Variants in DCC observed in about 807,000 individuals in gnomAD.
The protein encoded by DCC is DCC netrin 1 receptor, also known as netrin receptor DCC.
A neutral mutation model predicts 172.5 loss-of-function variants in DCC; 58 were observed. The observed-to-expected ratio is 0.34, with a 90% CI of 0.27 to 0.42. DCC has a LOEUF of 0.42. Among genes scored for constraint, DCC ranks in the 10% least tolerant of loss-of-function variants. The pLI is 1.00. For synonymous variants in DCC, 709 were observed against 644.5 expected, an observed-to-expected ratio of 1.10 and a Z score of -1.52; for missense variants, 1,740 against 1,791.0, an observed-to-expected ratio of 0.97 and a Z score of 0.51.
At chr18:52,634,581 T>C (rs976844721) in intron 1 of DCC, among the ~76,000 whole-genome samples, 1 of 152,214 alleles carries the variant, frequency 6.6e-6, no homozygotes, top group Non-Finnish European at 1.5e-5. Context: ...AAAAAGTGAA[T>C]TATTAAATAC....
At chr18:52,644,435 T>G (rs1350699376) in intron 1 of DCC, among the ~76,000 whole-genome samples, 1 of 151,898 alleles carries the variant, frequency 6.6e-6, no homozygotes, top group Admixed American at 6.6e-5. Flanking sequence ...AAACATTAGC[T>G]GGGCCTGGTG....
intron 1 of DCC, among the ~76,000 whole-genome samples, chr18:52,718,893 G>T (rs953620491): frequency 6.6e-6 from 1 of 152,074 alleles, no homozygotes; most frequent in Non-Finnish European, 1.5e-5. Flanking sequence ...GTCTTTTAAG[G>T]CATTTCACAA....
At chr18:52,582,775 G>A (rs780446977) in intron 1 of DCC, among the ~76,000 whole-genome samples, 2 of 152,186 alleles carry the variant, frequency 1.3e-5, no homozygotes, top group Non-Finnish European at 2.9e-5. Flanking sequence ...GCCACCAGCT[G>A]TGAAATTGAG....
chr18:53,319,159 T>C (rs571648224), intron 13 of DCC, among the ~76,000 whole-genome samples: 5 of 152,244 alleles, frequency 3.3e-5, no homozygotes, highest in Admixed American at 3.3e-4. Flanking sequence ...TGCAAAAACA[T>C]ACCGAATTGT....
intron 2 of DCC, among the ~76,000 whole-genome samples, chr18:52,756,077 C>T (rs995508875): frequency 6.6e-6 from 1 of 152,214 alleles, no homozygotes; most frequent in Non-Finnish European, 1.5e-5. Flanking sequence ...TGAGTTCTAT[C>T]AGTAAAGAAT....
At chr18:53,183,630 A>G (rs151253650) in intron 9 of DCC, among the ~76,000 whole-genome samples, 129 of 152,240 alleles carry the variant, frequency 8.5e-4, no homozygotes, top group African/African-American at 3.0e-3. Context: ...TTTTAGATTT[A>G]AGAGTTGTAA....
intron 13 of DCC, among the ~76,000 whole-genome samples, chr18:53,307,912 T>C: frequency 2.6e-5 from 1 of 38,238 alleles, no homozygotes; most frequent in South Asian, 5.2e-4. Context: ...TATATATATA[T>C]ATATATATAT....
At chr18:53,150,848 A>G (rs2043986668) in intron 7 of DCC, among the ~76,000 whole-genome samples, 2 of 152,124 alleles carry the variant, frequency 1.3e-5, no homozygotes, top group Non-Finnish European at 1.5e-5. Flanking sequence ...GTCTCTGCAC[A>G]CTCCTGAAAC....
intron 10 of DCC, 106 bp from the exon 11 acceptor site, chr18:53,207,573 G>T: frequency 9.2e-7 from 1 of 1,086,140 alleles, no homozygotes; most frequent in Admixed American, 1.8e-5. Context: ...AGGCTGGAGT[G>T]TAGTTTGTAA....
At chr18:53,249,766 A>T (rs2056406966) in intron 12 of DCC, among the ~76,000 whole-genome samples, 1 of 152,002 alleles carries the variant, frequency 6.6e-6, no homozygotes, top group Admixed American at 6.6e-5. Context: ...TTTAGCCAAA[A>T]TGCAACCATG....
chr18:52,358,972 G>A (rs995138886), intron 1 of DCC, among the ~76,000 whole-genome samples: 5 of 152,172 alleles, frequency 3.3e-5, no homozygotes, highest in African/African-American at 1.2e-4. Context: ...TACTGCTTGT[G>A]TCTTCCAATT....
At chr18:52,947,246 A>T (rs188102007) in intron 5 of DCC, among the ~76,000 whole-genome samples, 1 of 152,342 alleles carries the variant, frequency 6.6e-6, no homozygotes, top group Non-Finnish European at 1.5e-5. Context: ...TTTAATTTGT[A>T]AAAACTAAAT....
At chr18:53,387,591 T>C (rs56151507) in intron 16 of DCC, among the ~76,000 whole-genome samples, 64,627 of 152,078 alleles carry the variant, frequency 0.42, 15,504 homozygotes, top group Non-Finnish European at 0.55. Flanking sequence ...ACTTGAGGTT[T>C]GGGTTACAAA....
At chr18:53,309,532 C>T (rs1226139782) in intron 13 of DCC, among the ~76,000 whole-genome samples, 1 of 152,046 alleles carries the variant, frequency 6.6e-6, no homozygotes, top group Non-Finnish European at 1.5e-5. Flanking sequence ...TAAATTTTTC[C>T]TCTCAAGGAC....
chr18:52,405,955 T>C (rs1243970928), intron 1 of DCC, among the ~76,000 whole-genome samples: 2 of 151,716 alleles, frequency 1.3e-5, no homozygotes, highest in African/African-American at 2.4e-5. Context: ...AACAGCATAG[T>C]ACTGGTACCA....
intron 1 of DCC, among the ~76,000 whole-genome samples, chr18:52,676,840 G>A (rs2035654113): frequency 6.6e-6 from 1 of 152,142 alleles, no homozygotes; most frequent in Non-Finnish European, 1.5e-5. Context: ...CTTACCCAAT[G>A]ATCTTTTCCT....
At chr18:52,688,670 G>A (rs1285405623) in intron 1 of DCC, among the ~76,000 whole-genome samples, 2 of 151,924 alleles carry the variant, frequency 1.3e-5, no homozygotes, top group Non-Finnish European at 2.9e-5. Flanking sequence ...AAGGGTAACT[G>A]TATGAAATGA....
intron 13 of DCC, among the ~76,000 whole-genome samples, chr18:53,310,586 C>G (rs1264277761): frequency 1.3e-5 from 2 of 151,934 alleles, no homozygotes; most frequent in African/African-American, 4.8e-5. Flanking sequence ...GAACCCACGT[C>G]AACTAAATTT....
At chr18:53,521,127 G>C (rs1373105041) in intron 27 of DCC, among the ~76,000 whole-genome samples, 2 of 152,082 alleles carry the variant, frequency 1.3e-5, no homozygotes, top group African/African-American at 4.8e-5. Context: ...TATTACTTGA[G>C]AAAAGGCAGT....
Sources: gnomAD v4.1 joint callset for allele counts (sites outside exome capture counted in the v4.1 genomes callset) on GRCh38, gnomAD v4.1.1 for gene constraint, MANE v1.5 for transcripts, NCBI Gene and HGNC (gene_info 2026-07-23, HGNC 2026-07-21) for gene names.